Variants in TRIM62 observed in about 807,000 individuals in gnomAD.
TRIM62 encodes the protein E3 ubiquitin-protein ligase TRIM62.
In TRIM62, 39 loss-of-function variants were observed where a neutral mutation model predicts 44.2. The observed-to-expected ratio is 0.88, with a 90% CI of 0.68 to 1.15. The LOEUF (loss-of-function observed/expected upper bound fraction) is 1.15, where lower values mean the gene tolerates loss of function less well. Ranked by LOEUF, TRIM62 falls within the 50% of genes most tolerant of loss-of-function variation. The probability of loss-of-function intolerance (pLI) is 0.00; values close to 1 mark genes in which losing one functional copy is unlikely to be tolerated. For synonymous variants in TRIM62, 278 were observed against 292.3 expected, an observed-to-expected ratio of 0.95 and a Z score of 0.50; for missense variants, 544 against 665.5, an observed-to-expected ratio of 0.82 and a Z score of 2.01.
At position 33,159,725 on chromosome 1, in the gene TRIM62, G is replaced by A. The variant is rs1344563720; in HGVS notation, c.724C>T (p.His242Tyr). The A allele has an allele frequency of 6.2e-7, 1 of 1,611,624 alleles. No individual in the cohort carries two copies. The highest frequency in any genetic ancestry group is 8.5e-7 in the Non-Finnish European group (1 of 1,179,560). The change falls in exon 3 of 5, where the codon CAC becomes TAC. Residue 242 changes from histidine to tyrosine, a missense_variant. His to Tyr is a moderately conservative substitution (Grantham distance 83, BLOSUM62 2). Coordinates refer to ENST00000291416, the MANE Select transcript of TRIM62 (RefSeq NM_018207.3). The surrounding 1 kb of genome is among the most constrained non-coding windows in gnomAD (Gnocchi z 4.2). ...LQERLAETDR[H>Y]TFLAGVASLS... Reference sequence around the variant, plus strand: ...GAGGCCACCCCAGCCAGGAAGGTGTGCCGGTCGGTTTCAGCCAGCCGCTCC... The same window carrying A: ...GAGGCCACCCCAGCCAGGAAGGTGTACCGGTCGGTTTCAGCCAGCCGCTCC...
chr1:33,181,549 G>T lies in TRIM62; in HGVS notation c.-117C>A. 1.4e-6 allele frequency: 2 copies of T among 1,425,560 alleles called. No homozygotes were observed. Among genetic ancestry groups the T allele is most frequent in the East Asian group, 2.7e-5 (1 of 37,470 alleles). 88.3% of individuals were successfully genotyped at this position (1,425,560 alleles called of 1,614,324 possible). A position where few individuals can be genotyped will look rare whatever the true frequency, so the allele number is the denominator to read the frequency against. ...CGGGGACGAGGCCCGCACAGGCAGG[G>T]GTAGGAGCTACCGGAGAAGGGAGGG... On this transcript the variant is annotated 5_prime_UTR_variant, in exon 1 of 5. Coordinates refer to ENST00000291416, the MANE Select transcript of TRIM62 (RefSeq NM_018207.3). This position sits in a 1 kb window ranked among gnomAD's most constrained non-coding sequence, Gnocchi z 6.5.
intron 3 of TRIM62, among the ~76,000 whole-genome samples, chr1:33,158,864 G>A (rs1416059132): frequency 6.6e-6 from 1 of 150,728 alleles, no homozygotes; most frequent in Non-Finnish European, 1.5e-5. Context: ...TTTTGAGACA[G>A]AGTTTCGCTC....
At chr1:33,180,981 C>G (rs1316064828) in intron 1 of TRIM62, 44 bp downstream of exon 1, 18 of 586,998 alleles carry the variant, frequency 3.1e-5, no homozygotes, top group Non-Finnish European at 4.9e-5. Context: ...GGCCCCACCT[C>G]CAGCCCGGCC....
intron 1 of TRIM62, among the ~76,000 whole-genome samples, chr1:33,179,911 G>C (rs1478553215): frequency 1.4e-5 from 2 of 145,100 alleles, no homozygotes; most frequent in African/African-American, 4.9e-5. Context: ...AATTCTCCAA[G>C]GGGGTGGGTA....
At chr1:33,152,631 TAAAC>T (rs1645117611) in intron 4 of TRIM62, among the ~76,000 whole-genome samples, 1 of 146,416 alleles carries the variant, frequency 6.8e-6, no homozygotes, top group Admixed American at 6.8e-5. Context: ...ATAATAACAA[TAAAC>T]AGACAGGAAT....
At chr1:33,149,073 G>A (rs891227104) in intron 4 of TRIM62, among the ~76,000 whole-genome samples, 4 of 152,142 alleles carry the variant, frequency 2.6e-5, no homozygotes, top group Non-Finnish European at 4.4e-5. Context: ...CAATTCAAAA[G>A]GCCCACCCTT....
In TRIM62 at chr1:33,146,852, AGGGAGAC is replaced by A; in HGVS notation, c.*318_*324del. On this transcript the variant is annotated 3_prime_UTR_variant, in exon 5 of 5. Coordinates refer to ENST00000291416, the MANE Select transcript of TRIM62 (RefSeq NM_018207.3). ...CTTCCTGAGGTCAGGGCTGGGCTGGAGGGAGACACTGGAAGGTAGTCCCCTGCCCCTG... is the reference window on the plus strand; with the variant it reads ...CTTCCTGAGGTCAGGGCTGGGCTGGAACTGGAAGGTAGTCCCCTGCCCCTG... The A allele has an allele frequency of 2.6e-6, 1 of 382,036 alleles. No individual in the cohort carries two copies. The highest frequency in any genetic ancestry group is 4.1e-5 in the Admixed American group (1 of 24,352). The allele number at this position is 382,036 out of a possible 1,614,324, so 23.7% of individuals were successfully genotyped here.
chr1:33,170,972 C>A (rs1281279549), intron 1 of TRIM62, among the ~76,000 whole-genome samples: 1 of 152,200 alleles, frequency 6.6e-6, no homozygotes, highest in Admixed American at 6.5e-5. Context: ...GTATGCGGCT[C>A]CCTAGTCGCT....
At chr1:33,156,953 C>A (rs1199158118) in intron 4 of TRIM62, among the ~76,000 whole-genome samples, 1 of 149,232 alleles carries the variant, frequency 6.7e-6, no homozygotes, top group African/African-American at 2.5e-5. Context: ...ACTACCACCA[C>A]CCTGCTTCAC....
In TRIM62 at chr1:33,145,466, T is replaced by C. The variant is rs1198447623; in HGVS notation, c.*1711A>G. ...CTCATAAAATGGGCAACATTTTAAA[T>C]AAAAATACTGCTGGGGTGGCCCAGA... On this transcript the variant is annotated 3_prime_UTR_variant, in exon 5 of 5. Transcript: ENST00000291416. 1 of 166,250 alleles carries C rather than the reference T, an allele frequency of 6.0e-6. No individual in the cohort carries two copies. The highest frequency in any genetic ancestry group is 2.4e-5 in the African/African-American group (1 of 41,650). The allele number at this position is 166,250 out of a possible 1,614,324, so 10.3% of individuals were successfully genotyped here.
At position 33,161,816 on chromosome 1, in the gene TRIM62, C is replaced by A. The variant is rs1400070005; in HGVS notation, c.505-1872G>T. On this transcript the variant is annotated intron_variant, in intron 2 of 4. Transcript: ENST00000291416. This position sits in a 1 kb window ranked among gnomAD's most constrained non-coding sequence, Gnocchi z 4.3. ...CTGCAGCACTTAGCCCACTCGCCAC[C>A]CTCTCCTAGTTGAAAGTTCTGCTTT... Among the ~76,000 whole-genome samples the A allele has an allele frequency of 6.6e-6, 1 of 152,178 alleles. No homozygotes were observed. The highest frequency in any genetic ancestry group is 2.4e-5 in the African/African-American group (1 of 41,426).
At chr1:33,173,483 CT>C (rs1645390336) in intron 1 of TRIM62, among the ~76,000 whole-genome samples, 1 of 152,042 alleles carries the variant, frequency 6.6e-6, no homozygotes, top group Non-Finnish European at 1.5e-5. Flanking sequence ...ATTCAAAGCC[CT>C]TCCTGAGCTG....
intron 4 of TRIM62, among the ~76,000 whole-genome samples, chr1:33,153,793 G>A (rs888935208): frequency 1.3e-5 from 2 of 152,176 alleles, no homozygotes; most frequent in African/African-American, 4.8e-5. Flanking sequence ...TTATTGAGGC[G>A]CTATTCTAGA....
chr1:33,171,148 T>C (rs1645371883), intron 1 of TRIM62, among the ~76,000 whole-genome samples: 1 of 152,110 alleles, frequency 6.6e-6, no homozygotes, highest in Non-Finnish European at 1.5e-5. Flanking sequence ...GCCACACAGC[T>C]TGACACAGGA....
rs79125254 is a variant in TRIM62 at position 33,146,117 on chromosome 1, G to A, written c.*1060C>T. On this transcript the variant is annotated 3_prime_UTR_variant, in exon 5 of 5. Coordinates refer to ENST00000291416, the MANE Select transcript of TRIM62 (RefSeq NM_018207.3). ...TCACAACAGACATGATGAATCTGGC[G>A]CTGGGAGTTCCTGGAAATTCAGCAG... 1.9e-4 allele frequency: 51 copies of A among 266,132 alleles called. No homozygotes were observed. In the East Asian group the frequency reaches 5.1e-3, roughly 26 times the overall value. The allele number at this position is 266,132 out of a possible 1,614,324, so 16.5% of individuals were successfully genotyped here.
At chr1:33,175,001 G>GTATGTATATGTATATGTA (rs71006384) in intron 1 of TRIM62, among the ~76,000 whole-genome samples, 21 of 135,668 alleles carry the variant, frequency 1.5e-4, no homozygotes, top group African/African-American at 5.5e-4. Flanking sequence ...ACACACACAT[G>GTATGTATATGTATATGTA]TATGTATATG....
chr1:33,181,772 G>T lies in TRIM62; in HGVS notation c.-340C>A. 1 of 270,822 alleles carries T rather than the reference G, an allele frequency of 3.7e-6. No homozygotes were observed. Among genetic ancestry groups the T allele is most frequent in the East Asian group, 9.4e-5 (1 of 10,662 alleles). 16.8% of individuals were successfully genotyped at this position (270,822 alleles called of 1,614,324 possible). On this transcript the variant is annotated 5_prime_UTR_variant, in exon 1 of 5. Coordinates refer to ENST00000291416, the MANE Select transcript of TRIM62 (RefSeq NM_018207.3). The surrounding 1 kb of genome is among the most constrained non-coding windows in gnomAD (Gnocchi z 6.5). ...GGGGCAGTCCTAAGGGATAGGAGCT[G>T]GGAGAAGGGGATCCCGGAGCGGGGT... is the stretch of plus-strand genomic sequence containing the variant.
chr1:33,169,039 A>G (rs972408809), intron 1 of TRIM62, among the ~76,000 whole-genome samples: 1 of 152,072 alleles, frequency 6.6e-6, no homozygotes, highest in African/African-American at 2.4e-5. Context: ...CAGAACACTC[A>G]TTTGCCCATT....
Position 33,159,917 on chromosome 1 carries a change from TA to T in TRIM62, c.531del (p.Ile178SerfsTer20). On this transcript the variant is annotated frameshift_variant, in exon 3 of 5. Transcript: ENST00000291416. LOFTEE classifies it high-confidence loss of function. The surrounding 1 kb of genome is among the most constrained non-coding windows in gnomAD (Gnocchi z 4.2). ...TGCAGCCGCTCGAAGGCCTCGCCGA[TA>T]GTGGTCCGCAGGCTCTTGGTGGAAG... Reference protein sequence around the residue: ...TKSSTKSLRTTIGEAFERLHR... With the variant: ...TKSSTKSLRTXIGEAFERLHR... 6.2e-7 allele frequency: 1 copy of T among 1,607,092 alleles called. No homozygotes were observed. Among genetic ancestry groups the T allele is most frequent in the Non-Finnish European group, 8.5e-7 (1 of 1,179,898 alleles).
Sources: allele counts gnomAD v4.1 joint callset (sites outside exome capture counted in the v4.1 genomes callset), GRCh38; gene constraint gnomAD v4.1.1; non-coding constraint Gnocchi (gnomAD v3.1); transcripts MANE v1.5; gene names NCBI Gene and HGNC (gene_info 2026-07-23, HGNC 2026-07-21).